The following CCZ1 variants were observed in gnomAD, a reference collection of about 807,000 sequenced individuals.
CCZ1 encodes the protein CCZ1 vacuolar protein trafficking and biogenesis associated, also known as vacuolar fusion protein CCZ1 homolog.
A neutral mutation model predicts 57.8 loss-of-function variants in CCZ1; 19 were observed. The observed-to-expected ratio is 0.33, with a 90% CI of 0.23 to 0.48. The LOEUF is 0.48. CCZ1 is among the 20% of genes least tolerant of loss of function. The pLI is 0.99. For missense variants in CCZ1, 200 were observed against 492.0 expected (o/e 0.41, Z 5.61); for synonymous variants, 81 against 167.0 (o/e 0.49, Z 3.97).
intron 7 of CCZ1, 31 bp downstream of exon 7, chr7:5,905,300 G>C (rs1416712899): frequency 4.7e-6 from 6 of 1,281,958 alleles, no homozygotes; most frequent in African/African-American, 1.7e-5. Flanking sequence ...GGTATTAAAA[G>C]AAGAAATTAA....
At chr7:5,915,173 C>T (rs1247784752) in intron 10 of CCZ1, among the ~76,000 whole-genome samples, 3 of 149,186 alleles carry the variant, frequency 2.0e-5, no homozygotes, top group Non-Finnish European at 4.5e-5. Flanking sequence ...TCATTCATCA[C>T]ATGGTGTGCT....
In CCZ1 at chr7:5,905,278, A is replaced by G. The variant is rs1359519770; in HGVS notation, c.698+9A>G. 1.4e-6 allele frequency: 2 copies of G among 1,423,896 alleles called. No individual in the cohort carries two copies. The allele number at this position is 1,423,896 out of a possible 1,614,324, so 88.2% of individuals were successfully genotyped here. A position where few individuals can be genotyped will look rare whatever the true frequency, so the allele number is the denominator to read the frequency against. On this transcript the variant is annotated intron_variant, in intron 7 of 14. Coordinates refer to ENST00000325974, the MANE Select transcript of CCZ1 (RefSeq NM_015622.6). The stretch of plus-strand genomic sequence containing the variant: ...AACGATCAGCTCATCTGGTAGGTAC[A>G]CCCCGAGGCATGGTATTAAAAGAAG...
rs569487332 is a variant in CCZ1, at chr7:5,903,672, A to G, written c.522+928A>G. On this transcript the variant is annotated intron_variant, in intron 6 of 14. Coordinates refer to ENST00000325974, the MANE Select transcript of CCZ1 (RefSeq NM_015622.6). Reference sequence around the variant, plus strand: ...TGGATAGAACTGTTGTCCTGAGTACATATCATTTAGACATGATTTTAGTAT... The same window carrying G: ...TGGATAGAACTGTTGTCCTGAGTACGTATCATTTAGACATGATTTTAGTAT... Among the ~76,000 whole-genome samples the G allele has an allele frequency of 6.2e-5, 9 of 145,202 alleles. 3 individuals carry two copies. In the East Asian group the frequency reaches 7.0e-4, roughly 11 times the overall value.
rs564641613 is a variant in CCZ1 at position 5,904,464 on chromosome 7, C to G, written c.523-630C>G. Among the ~76,000 whole-genome samples, 119 of 144,586 alleles carry G rather than the reference C, an allele frequency of 8.2e-4. 2 individuals are homozygous for G. Among genetic ancestry groups the G allele is most frequent in the Non-Finnish European group, 1.2e-3 (80 of 67,254 alleles). The allele number at this position is 144,586 out of a possible 152,430, so 94.9% of individuals were successfully genotyped here. A position where few individuals can be genotyped will look rare whatever the true frequency, so the allele number is the denominator to read the frequency against. On this transcript the variant is annotated intron_variant, in intron 6 of 14. Coordinates refer to ENST00000325974, the MANE Select transcript of CCZ1 (RefSeq NM_015622.6). ...CCCAGCGCTTTGGGACGCCTAGACA[C>G]GAGAATCACGGAGGCCAGAAGTTCA...
intron 12 of CCZ1, among the ~76,000 whole-genome samples, chr7:5,921,058 T>C (rs1412679139): frequency 1.0e-5 from 1 of 96,734 alleles, no homozygotes; most frequent in Non-Finnish European, 2.1e-5. Flanking sequence ...TTCAAGCGAT[T>C]CTCCTGCCTC....
chr7:5,907,653 A>C (rs1171855597), intron 7 of CCZ1, among the ~76,000 whole-genome samples: 2 of 146,112 alleles, frequency 1.4e-5, no homozygotes, highest in East Asian at 4.6e-4. Context: ...TCTGGCGCCC[A>C]GCTCTGGGGA....
intron 10 of CCZ1, among the ~76,000 whole-genome samples, chr7:5,914,650 G>A (rs187512456): frequency 0.021 from 3,149 of 148,338 alleles, 297 homozygotes; most frequent in African/African-American, 0.074. Flanking sequence ...CAAGGTGGGC[G>A]GATCACCTGA....
intron 6 of CCZ1, 82 bp from the exon 7 acceptor site, chr7:5,905,012 C>T: frequency 8.8e-6 from 10 of 1,137,078 alleles, no homozygotes; most frequent in Non-Finnish European, 1.1e-5. Flanking sequence ...GTGAGTCTGA[C>T]ATAAGATTAT....
Position 5,914,769 on chromosome 7 carries a change from C to T in CCZ1, c.954+1815C>T, listed in dbSNP as rs1290083010. Among the ~76,000 whole-genome samples the T allele has an allele frequency of 1.2e-4, 17 of 146,474 alleles. 1 individual carries two copies. Among genetic ancestry groups the T allele is most frequent in the East Asian group, 7.0e-4 (3 of 4,302 alleles). On this transcript the variant is annotated intron_variant, in intron 10 of 14. Transcript: ENST00000325974. Reference sequence around the variant, plus strand: ...CACACGCCTCTAATCCCAGCTACTCCGGAGGCTGAGGCAGGAGAATCACTT... The same window carrying T: ...CACACGCCTCTAATCCCAGCTACTCTGGAGGCTGAGGCAGGAGAATCACTT...
chr7:5,904,614 C>G lies in CCZ1; in HGVS notation c.523-480C>G, dbSNP rs1224985477. On this transcript the variant is annotated intron_variant, in intron 6 of 14. Transcript: ENST00000325974. ...TTGGGAGGCCGAGGCAGGCAGATCACGAGTCAGGAGATTGAGACCATCCTG... is the reference window on the plus strand; with the variant it reads ...TTGGGAGGCCGAGGCAGGCAGATCAGGAGTCAGGAGATTGAGACCATCCTG... 2.0e-5 allele frequency among the ~76,000 whole-genome samples: 3 copies of G among 146,380 alleles called. 1 individual carries two copies. Among genetic ancestry groups the G allele is most frequent in the Non-Finnish European group, 4.4e-5 (3 of 67,510 alleles).
intron 8 of CCZ1, among the ~76,000 whole-genome samples, chr7:5,911,401 C>G (rs1383967692): frequency 2.0e-5 from 3 of 148,892 alleles, no homozygotes; most frequent in African/African-American, 7.5e-5. Context: ...CTCCTGGGCT[C>G]AAGCGGTCGT....
chr7:5,907,160 C>G (rs1212450661), intron 7 of CCZ1, among the ~76,000 whole-genome samples: 1 of 149,706 alleles, frequency 6.7e-6, no homozygotes, highest in Non-Finnish European at 1.5e-5. Context: ...TGCCCCGCCT[C>G]CACCTACTTT....
Position 5,915,413 on chromosome 7 carries a change from T to C in CCZ1, c.954+2459T>C, listed in dbSNP as rs1423787291. On this transcript the variant is annotated intron_variant, in intron 10 of 14. Coordinates refer to ENST00000325974, the MANE Select transcript of CCZ1 (RefSeq NM_015622.6). ...AATGACCCAGGTAATGGCTGAAATC[T>C]CCATAACCCTGGTGTGTAATATGCT... 2.2e-5 allele frequency among the ~76,000 whole-genome samples: 3 copies of C among 138,074 alleles called. 1 individual carries two copies. Among genetic ancestry groups the C allele is most frequent in the Non-Finnish European group, 4.8e-5 (3 of 63,050 alleles). 90.6% of individuals were successfully genotyped at this position (138,074 alleles called of 152,430 possible).
At chr7:5,922,610 A>AC (rs1339167065) in intron 12 of CCZ1, among the ~76,000 whole-genome samples, 1 of 149,994 alleles carries the variant, frequency 6.7e-6, no homozygotes, top group African/African-American at 2.5e-5. Context: ...ACAGACTCTG[A>AC]CCTGGGAGGC....
At position 5,908,071 on chromosome 7, in the gene CCZ1, G is replaced by A. The variant is rs1051494093; in HGVS notation, c.699-1964G>A. Reference sequence around the variant, plus strand: ...TGCAGTGAGCTATGATAGCACCACTGTACTCCAGCCTGGGTGACAGAGCAA... The same window carrying A: ...TGCAGTGAGCTATGATAGCACCACTATACTCCAGCCTGGGTGACAGAGCAA... On this transcript the variant is annotated intron_variant, in intron 7 of 14. Transcript: ENST00000325974. Among the ~76,000 whole-genome samples the A allele has an allele frequency of 2.1e-4, 30 of 141,906 alleles. 2 individuals are homozygous for A. Among genetic ancestry groups the A allele is most frequent in the African/African-American group, 7.7e-4 (29 of 37,660 alleles). 93.1% of individuals were successfully genotyped at this position (141,906 alleles called of 152,430 possible). A position where few individuals can be genotyped will look rare whatever the true frequency, so the allele number is the denominator to read the frequency against.
In CCZ1 at chr7:5,901,649, G is replaced by A. The variant is rs200686323; in HGVS notation, c.391-8G>A. 504 of 1,595,224 alleles carry A rather than the reference G, an allele frequency of 3.2e-4. 20 individuals carry two copies. The Middle Eastern group carries it at 4.6e-3, about 15-fold the overall frequency. On this transcript the variant is annotated splice_region_variant and splice_polypyrimidine_tract_variant and intron_variant, in intron 4 of 14. Transcript: ENST00000325974. ...ACTGAGCTGTGTGCTGTGTTTTCGC[G>A]TCTGCAGGACAAGGTTTATAGCTCG... is the stretch of plus-strand genomic sequence containing the variant.
In CCZ1 at chr7:5,920,627, A is replaced by G. The variant is rs989555743; in HGVS notation, c.1106+661A>G. Among the ~76,000 whole-genome samples the G allele has an allele frequency of 5.8e-5, 8 of 138,540 alleles. 1 individual carries two copies. Among genetic ancestry groups the G allele is most frequent in the Non-Finnish European group, 1.1e-4 (7 of 61,774 alleles). 90.9% of individuals were successfully genotyped at this position (138,540 alleles called of 152,430 possible). A position where few individuals can be genotyped will look rare whatever the true frequency, so the allele number is the denominator to read the frequency against. On this transcript the variant is annotated intron_variant, in intron 12 of 14. Transcript: ENST00000325974. ...GCTGGGATTACAGGCGTGCACCACC[A>G]TGCCCGGCTCCTTTTTGTATTTTTA...
In CCZ1 at chr7:5,900,562, T is replaced by C. The variant is rs760252882; in HGVS notation, c.308T>C (p.Val103Ala). Residue 103 changes from valine (V) to alanine (A), a missense_variant, in exon 3 of 15, where the codon GTC becomes GCC. Physicochemically the swap from Val to Ala is moderately conservative, Grantham distance 64 (BLOSUM62 0). Coordinates refer to ENST00000325974, the MANE Select transcript of CCZ1 (RefSeq NM_015622.6). ...GAACCAGAAGAAAATTTCTGGATGG[T>C]CATGGTATTTACATACACAGTGTAT... ...FNEPEENFWMVMVVRNPIIEK... is the reference protein window; with the variant it reads ...FNEPEENFWMAMVVRNPIIEK... The C allele has an allele frequency of 6.2e-7, 1 of 1,601,714 alleles. No homozygotes were observed. Among genetic ancestry groups the C allele is most frequent in the African/African-American group, 1.4e-5 (1 of 72,864 alleles).
At chr7:5,908,595 G>T (rs1227676267) in intron 7 of CCZ1, among the ~76,000 whole-genome samples, 5 of 147,762 alleles carry the variant, frequency 3.4e-5, no homozygotes, top group Non-Finnish European at 7.4e-5. Flanking sequence ...GGCCAGGCTG[G>T]TGTTGAACCC....
Sources: gnomAD v4.1 joint callset for allele counts (sites outside exome capture counted in the v4.1 genomes callset) on GRCh38, gnomAD v4.1.1 for gene constraint, MANE v1.5 for transcripts, NCBI Gene and HGNC (gene_info 2026-07-23, HGNC 2026-07-21) for gene names.